Variants in CTNNA3 observed in about 807,000 individuals in gnomAD.
The protein encoded by CTNNA3 is catenin alpha-3.
A neutral mutation model predicts 95.7 loss-of-function variants in CTNNA3; 76 were observed. The observed-to-expected ratio is 0.79, with a 90% CI of 0.66 to 0.96. The LOEUF is 0.96. Ranked by LOEUF, CTNNA3 falls within the 40% of genes least tolerant of loss-of-function variation. The probability of loss-of-function intolerance (pLI) is 0.00; values close to 1 mark genes in which losing one functional copy is unlikely to be tolerated. For synonymous variants in CTNNA3, 431 were observed against 374.4 expected (o/e 1.15, Z -1.74); for missense variants, 1,191 against 1,089.8 (o/e 1.09, Z -1.31).
chr10:67,516,924 G>A (rs1213492126), intron 5 of CTNNA3, among the ~76,000 whole-genome samples: 4 of 152,158 alleles, frequency 2.6e-5, no homozygotes, highest in Admixed American at 6.5e-5. Flanking sequence ...CTATTGCAAA[G>A]GCAGGATTTC....
chr10:67,403,865 C>T (rs1199119662), intron 5 of CTNNA3, among the ~76,000 whole-genome samples: 1 of 152,210 alleles, frequency 6.6e-6, no homozygotes, highest in African/African-American at 2.4e-5. Context: ...AAGGGGCAGG[C>T]TGCCATCTTT....
At chr10:67,492,533 T>G (rs1838883467) in intron 5 of CTNNA3, among the ~76,000 whole-genome samples, 1 of 152,354 alleles carries the variant, frequency 6.6e-6, no homozygotes, top group South Asian at 2.1e-4. Context: ...AATGTGCTTA[T>G]GTCCCAATGG....
rs984985703 is a variant in CTNNA3 at position 66,449,374 on chromosome 10, C to T, written c.1532-70022G>A. Among the ~76,000 whole-genome samples the T allele has an allele frequency of 5.9e-5, 9 of 152,000 alleles. No homozygotes were observed. In the South Asian group the frequency reaches 6.2e-4, roughly 11 times the overall value. ...ACAAGATGGGAGAAGAGTAAGGGAA[C>T]GAACACGTCAAATACCACAGGCACG... On this transcript the variant is annotated intron_variant, in intron 11 of 17. Coordinates refer to ENST00000433211, the MANE Select transcript of CTNNA3 (RefSeq NM_013266.4).
At chr10:66,489,570 ACACACACACTTGTGCATG>A (rs1258385776) in intron 11 of CTNNA3, among the ~76,000 whole-genome samples, 1 of 152,114 alleles carries the variant, frequency 6.6e-6, no homozygotes, top group Admixed American at 6.5e-5. Flanking sequence ...TTGCGCATGC[ACACACACACTTGTGCATG>A]CACACACACA....
intron 10 of CTNNA3, among the ~76,000 whole-genome samples, chr10:66,529,667 A>G (rs1841398259): frequency 6.6e-6 from 1 of 152,044 alleles, no homozygotes; most frequent in Admixed American, 6.6e-5. Flanking sequence ...ATTACTGAGG[A>G]CCTGCAATGT....
chr10:66,622,367 G>T (rs1212770245), intron 9 of CTNNA3, among the ~76,000 whole-genome samples: 1 of 152,140 alleles, frequency 6.6e-6, no homozygotes. Context: ...TCAAGCATTA[G>T]TGACACCCAA....
chr10:66,261,401 A>C (rs1339550348), intron 13 of CTNNA3, among the ~76,000 whole-genome samples: 12 of 152,070 alleles, frequency 7.9e-5, no homozygotes, highest in Non-Finnish European at 2.9e-5. Flanking sequence ...ATTCTTAGCC[A>C]ATGATTTCAA....
At chr10:66,673,262 G>A (rs1846729638) in intron 9 of CTNNA3, among the ~76,000 whole-genome samples, 1 of 152,090 alleles carries the variant, frequency 6.6e-6, no homozygotes, top group East Asian at 1.9e-4. Flanking sequence ...ATTCCATCAT[G>A]CTTATCTCTT....
chr10:65,979,547 A>G (rs1440062230), intron 16 of CTNNA3, among the ~76,000 whole-genome samples: 2 of 152,124 alleles, frequency 1.3e-5, no homozygotes, highest in Non-Finnish European at 2.9e-5. Context: ...GGAATTTTTG[A>G]TTAAAGATAG....
intron 7 of CTNNA3, among the ~76,000 whole-genome samples, chr10:67,138,008 G>C (rs1009356747): frequency 5.9e-5 from 9 of 152,100 alleles, no homozygotes; most frequent in African/African-American, 1.9e-4. Flanking sequence ...CTTGGGATAT[G>C]CCATCCTCCA....
At chr10:67,069,993 G>A (rs1309820569) in intron 7 of CTNNA3, among the ~76,000 whole-genome samples, 1 of 152,140 alleles carries the variant, frequency 6.6e-6, no homozygotes, top group African/African-American at 2.4e-5. Context: ...TTCCAAAGAT[G>A]TTTCCATTTA....
At chr10:66,520,297 G>A (rs2631201) in intron 11 of CTNNA3, among the ~76,000 whole-genome samples, 74,664 of 136,728 alleles carry the variant, frequency 0.55, 21,023 homozygotes, top group Middle Eastern at 0.75. Flanking sequence ...TGTTGCCCAG[G>A]CTGGAGTGTA....
At chr10:67,417,945 G>A (rs1004747009) in intron 5 of CTNNA3, among the ~76,000 whole-genome samples, 2 of 152,072 alleles carry the variant, frequency 1.3e-5, no homozygotes, top group African/African-American at 4.8e-5. Context: ...CCCAAAAGTG[G>A]AAACAACCCA....
chr10:67,310,135 T>C (rs771264227), intron 5 of CTNNA3, among the ~76,000 whole-genome samples: 1 of 152,130 alleles, frequency 6.6e-6, no homozygotes, highest in Non-Finnish European at 1.5e-5. Flanking sequence ...AAGGCAAAGC[T>C]TAAAGGCTCA....
At chr10:66,725,216 A>G (rs551265923) in intron 9 of CTNNA3, among the ~76,000 whole-genome samples, 3 of 152,270 alleles carry the variant, frequency 2.0e-5, no homozygotes, top group Admixed American at 2.0e-4. Context: ...GTAGTTGGTT[A>G]AATACATGGA....
At chr10:67,131,202 C>T (rs76791546) in intron 7 of CTNNA3, among the ~76,000 whole-genome samples, 127 of 152,172 alleles carry the variant, frequency 8.3e-4, no homozygotes, top group African/African-American at 3.0e-3. Context: ...GAAGCCTTTT[C>T]TGAGCCAAGA....
intron 5 of CTNNA3, among the ~76,000 whole-genome samples, chr10:67,520,994 G>T (rs1839966598): frequency 6.6e-6 from 1 of 152,170 alleles, no homozygotes; most frequent in South Asian, 2.1e-4. Flanking sequence ...CAGACATTTA[G>T]TCATTTTTCT....
chr10:66,488,526 G>T (rs987343821), intron 11 of CTNNA3, among the ~76,000 whole-genome samples: 1 of 152,090 alleles, frequency 6.6e-6, no homozygotes, highest in African/African-American at 2.4e-5. Flanking sequence ...TAATGGAATG[G>T]CTATTAGTAG....
intron 15 of CTNNA3, among the ~76,000 whole-genome samples, chr10:66,008,803 T>C (rs1046177459): frequency 2.0e-5 from 3 of 152,214 alleles, no homozygotes; most frequent in Admixed American, 6.5e-5. Flanking sequence ...TATTAGAGGA[T>C]GCAAATCTGT....
Sources: gnomAD v4.1 joint callset for allele counts (sites outside exome capture counted in the v4.1 genomes callset) on GRCh38, gnomAD v4.1.1 for gene constraint, MANE v1.5 for transcripts, NCBI Gene and HGNC (gene_info 2026-07-23, HGNC 2026-07-21) for gene names.